MAP3K2: variants seen among roughly 807,000 people sequenced by gnomAD.
The protein encoded by MAP3K2 is MAP/ERK kinase kinase 2.
Under a neutral mutation model 80.3 loss-of-function variants are expected in MAP3K2, and 24 were observed. The ratio of observed to expected loss-of-function variants is 0.30; its 90% CI spans 0.22 to 0.42. The LOEUF is 0.42. Among genes scored for constraint, MAP3K2 ranks in the 10% least tolerant of loss-of-function variants. The pLI is 1.00. For missense variants in MAP3K2, 608 were observed against 750.1 expected (o/e 0.81, Z 2.21); for synonymous variants, 244 against 253.7 (o/e 0.96, Z 0.36).
rs2104795322 is a variant in MAP3K2 at position 127,301,959 on chromosome 2, AG to A, written c.*5619del. 1 of 152,320 alleles carries A rather than the reference AG, an allele frequency of 6.6e-6. No individual in the cohort carries two copies. Among genetic ancestry groups the A allele is most frequent in the South Asian group, 2.1e-4 (1 of 4,816 alleles). 9.4% of individuals were successfully genotyped at this position (152,320 alleles called of 1,614,324 possible). A position where few individuals can be genotyped will look rare whatever the true frequency, so the allele number is the denominator to read the frequency against. On this transcript the variant is annotated 3_prime_UTR_variant, in exon 17 of 17. Transcript: ENST00000682094. Reference sequence around the variant, plus strand: ...CATGGCATCCTGTCCAAACCATGGCAGAAGTCAAAGCCAAGCCAAAGACAAC... The same window carrying A: ...CATGGCATCCTGTCCAAACCATGGCAAAGTCAAAGCCAAGCCAAAGACAAC...
intron 1 of MAP3K2, among the ~76,000 whole-genome samples, chr2:127,380,152 T>G (rs1307459988): frequency 1.3e-5 from 2 of 152,212 alleles, no homozygotes; most frequent in Non-Finnish European, 2.9e-5. Flanking sequence ...AGATCCCTGC[T>G]GTCTGCACTG....
At chr2:127,380,363 ATATAT>A (rs1313599600) in intron 1 of MAP3K2, among the ~76,000 whole-genome samples, 2 of 152,244 alleles carry the variant, frequency 1.3e-5, no homozygotes, top group African/African-American at 4.8e-5. Flanking sequence ...TACCGATAAA[ATATAT>A]TAAACTATTC....
Position 127,302,815 on chromosome 2 carries a change from T to C in MAP3K2, c.*4764A>G, listed in dbSNP as rs556476562. The C allele has an allele frequency of 2.0e-5, 3 of 152,324 alleles. No individual in the cohort carries two copies. Among genetic ancestry groups the C allele is most frequent in the Non-Finnish European group, 2.9e-5 (2 of 68,014 alleles). 9.4% of individuals were successfully genotyped at this position (152,324 alleles called of 1,614,324 possible). A position where few individuals can be genotyped will look rare whatever the true frequency, so the allele number is the denominator to read the frequency against. On this transcript the variant is annotated 3_prime_UTR_variant, in exon 17 of 17. Coordinates refer to ENST00000682094, the MANE Select transcript of MAP3K2 (RefSeq NM_001371910.2). Reference sequence around the variant, plus strand: ...TTTCTATGCTTGTGTTGGGAATTCATGTCTAGTGGAAGCTGCAGCATGTCT... The same window carrying C: ...TTTCTATGCTTGTGTTGGGAATTCACGTCTAGTGGAAGCTGCAGCATGTCT...
At chr2:127,341,616 T>C (rs938293714) in intron 2 of MAP3K2, among the ~76,000 whole-genome samples, 6 of 141,852 alleles carry the variant, frequency 4.2e-5, no homozygotes, top group Non-Finnish European at 9.0e-5. Context: ...CACTACAAGA[T>C]CCGCCTCCTG....
rs377475198 is a variant in MAP3K2, at chr2:127,318,190, G to A, written c.1173C>T (p.Pro391=). ...ELAVKQVQFD[P]DSPETSKEVN... is the part of the protein sequence containing the mutation. ...TTACCTTGCTGGTCTCAGGACTATC[G>A]GGGTCAAATTGAACTTGCTTAACAG... The change falls in exon 13 of 17, where the codon CCC becomes CCT. Residue 391 remains proline (P), a synonymous_variant. Coordinates refer to ENST00000682094, the MANE Select transcript of MAP3K2 (RefSeq NM_001371910.2). 3.2e-5 allele frequency: 52 copies of A among 1,606,380 alleles called. No individual in the cohort carries two copies. The highest frequency in any genetic ancestry group is 4.5e-5 in the South Asian group (4 of 89,542).
At chr2:127,350,260 A>G (rs1686667514) in intron 1 of MAP3K2, among the ~76,000 whole-genome samples, 1 of 151,994 alleles carries the variant, frequency 6.6e-6, no homozygotes, top group Admixed American at 6.6e-5. Context: ...ATATGGGACA[A>G]TTTGAGCATC....
rs1395092078 is a variant in MAP3K2 at position 127,364,088 on chromosome 2, C to T, written c.-65-20894G>A. Among the ~76,000 whole-genome samples, 2 of 152,140 alleles carry T rather than the reference C, an allele frequency of 1.3e-5. No individual in the cohort carries two copies. Among genetic ancestry groups the T allele is most frequent in the African/African-American group, 2.4e-5 (1 of 41,422 alleles). ...CTTACAACCATAACATAATATAGCACACATATGTTTCAGTCAATCTAACCT... is the reference window on the plus strand; with the variant it reads ...CTTACAACCATAACATAATATAGCATACATATGTTTCAGTCAATCTAACCT... On this transcript the variant is annotated intron_variant, in intron 1 of 16. Coordinates refer to ENST00000682094, the MANE Select transcript of MAP3K2 (RefSeq NM_001371910.2). This position sits in a 1 kb window ranked among gnomAD's most constrained non-coding sequence, Gnocchi z 4.1.
chr2:127,352,908 C>T (rs1195057806), intron 1 of MAP3K2, among the ~76,000 whole-genome samples: 1 of 152,174 alleles, frequency 6.6e-6, no homozygotes, highest in African/African-American at 2.4e-5. Context: ...GCTGTGTTGG[C>T]TGGGCTGGTC....
At position 127,299,299 on chromosome 2, in the gene MAP3K2, CACAGT is replaced by C. The variant is rs1238600305; in HGVS notation, c.*8275_*8279del. 6.6e-6 allele frequency: 1 copy of C among 152,148 alleles called. No homozygotes were observed. The highest frequency in any genetic ancestry group is 2.4e-5 in the African/African-American group (1 of 41,434). 9.4% of individuals were successfully genotyped at this position (152,148 alleles called of 1,614,324 possible). A position where few individuals can be genotyped will look rare whatever the true frequency, so the allele number is the denominator to read the frequency against. On this transcript the variant is annotated 3_prime_UTR_variant, in exon 17 of 17. Coordinates refer to ENST00000682094, the MANE Select transcript of MAP3K2 (RefSeq NM_001371910.2). ...CTTTTTCTGCCAGTTACTTAAAACA[CACAGT>C]ACAATATAAAGACACACAACGTATG...
chr2:127,384,990 T>G (rs954693243), intron 1 of MAP3K2, among the ~76,000 whole-genome samples: 19 of 152,164 alleles, frequency 1.2e-4, no homozygotes, highest in African/African-American at 4.6e-4. Flanking sequence ...GATGTGAATA[T>G]TATTGAAGTA....
intron 7 of MAP3K2, among the ~76,000 whole-genome samples, chr2:127,328,970 G>A (rs1351008454): frequency 2.0e-5 from 3 of 151,974 alleles, no homozygotes; most frequent in Non-Finnish European, 4.4e-5. Context: ...TTATACCAGC[G>A]GTTTTTTGAA....
intron 3 of MAP3K2, among the ~76,000 whole-genome samples, 160 bp from the exon 4 acceptor site, chr2:127,337,938 T>C (rs913594646): frequency 1.2e-4 from 19 of 152,180 alleles, no homozygotes; most frequent in African/African-American, 2.2e-4. Context: ...CTCCAAACAA[T>C]TGATAGTGTC....
intron 1 of MAP3K2, among the ~76,000 whole-genome samples, chr2:127,385,803 C>G (rs1158963990): frequency 1.3e-5 from 2 of 152,166 alleles, no homozygotes; most frequent in Non-Finnish European, 2.9e-5. Context: ...AATACAGCAC[C>G]TGTTAGTTTA....
Position 127,317,778 on chromosome 2 carries a change from T to C in MAP3K2, c.1195-18A>G, listed in dbSNP as rs759370641. The C allele has an allele frequency of 1.3e-6, 2 of 1,590,788 alleles. No homozygotes were observed. Among genetic ancestry groups the C allele is most frequent in the Non-Finnish European group, 1.7e-6 (2 of 1,168,382 alleles). The stretch of plus-strand genomic sequence containing the variant: ...TTTACTTCCTGAAAGAGAGAATTCA[T>C]TGTTAAGTCTTCAACAATGTCAGTA... On this transcript the variant is annotated intron_variant, in intron 13 of 16. Coordinates refer to ENST00000682094, the MANE Select transcript of MAP3K2 (RefSeq NM_001371910.2).
chr2:127,328,145 G>A (rs1686179894), intron 7 of MAP3K2, among the ~76,000 whole-genome samples: 1 of 152,096 alleles, frequency 6.6e-6, no homozygotes, highest in Non-Finnish European at 1.5e-5. Context: ...CATGGTGGCG[G>A]GCGCCTGTAA....
chr2:127,317,116 T>C (rs1420813402), intron 14 of MAP3K2: 3 of 151,672 alleles, frequency 2.0e-5, no homozygotes, highest in African/African-American at 7.3e-5. Context: ...TATCCTCTTC[T>C]CTTTGTCAAA....
intron 5 of MAP3K2, among the ~76,000 whole-genome samples, chr2:127,332,282 C>T (rs759571261): frequency 4.6e-5 from 7 of 152,136 alleles, no homozygotes; most frequent in South Asian, 2.1e-4. Context: ...ATGACTGTTC[C>T]GCCGATTTTT....
chr2:127,329,828 T>C, intron 7 of MAP3K2, 93 bp downstream of exon 7: 1 of 705,938 alleles, frequency 1.4e-6, no homozygotes, highest in Non-Finnish European at 2.5e-6. Context: ...AAATATTATT[T>C]ATCAGGAATA....
Position 127,324,184 on chromosome 2 carries a change from C to A in MAP3K2, c.735G>T (p.Gln245His). The change falls in exon 10 of 17, where the codon CAG (glutamine) becomes CAT (histidine). Residue 245 changes from glutamine (Q) to histidine (H), a missense_variant. This residue lies in a region of MAP3K2 where 467 missense variants were observed against 521.9 expected (regional missense o/e 0.89). Coordinates refer to ENST00000682094, the MANE Select transcript of MAP3K2 (RefSeq NM_001371910.2). ...PRAQSYPDNH[Q>H]EFSDYDNPIF... is the part of the protein sequence containing the mutation. ...TTTATAAAGTCTAACCTGAAAATTC[C>A]TGATGATTATCTGGGTAGCTCTGAG... 1 of 1,552,614 alleles carries A rather than the reference C, an allele frequency of 6.4e-7. No homozygotes were observed. Among genetic ancestry groups the A allele is most frequent in the Admixed American group, 2.0e-5 (1 of 49,458 alleles).
Sources: gnomAD v4.1 joint callset for allele counts (sites outside exome capture counted in the v4.1 genomes callset) on GRCh38, gnomAD v4.1.1 for gene constraint, gnomAD v4.1.1 regional missense constraint, Gnocchi (gnomAD v3.1) non-coding constraint, MANE v1.5 for transcripts, NCBI Gene and HGNC (gene_info 2026-07-23, HGNC 2026-07-21) for gene names.